Variants in RAB20 observed in about 807,000 individuals in gnomAD.
The protein encoded by RAB20 is RAB20, member RAS oncogene family.
Under a neutral mutation model 3.7 loss-of-function variants are expected in RAB20, and 2 were observed. That is an observed-to-expected ratio of 0.54 (90% CI 0.22 to 1.69). The LOEUF (loss-of-function observed/expected upper bound fraction) is 1.69. Among genes scored for constraint, RAB20 ranks in the 40% most tolerant of loss-of-function variants. RAB20 has a pLI of 0.19. For missense variants in RAB20, 276 were observed against 311.9 expected (o/e 0.88, Z 0.87); for synonymous variants, 126 against 130.8 (o/e 0.96, Z 0.25).
rs1884467476 is a variant in RAB20 at position 110,528,285 on chromosome 13, A to AT, written c.173-4089dup. Reference sequence around the variant, plus strand: ...TACAAAATTAGCCAGGCATGGTGGCATGTGCCTATAATCCCAGCTACTTGG... The same window carrying AT: ...TACAAAATTAGCCAGGCATGGTGGCATTGTGCCTATAATCCCAGCTACTTGG... On this transcript the variant is annotated intron_variant, in intron 1 of 1. Coordinates refer to ENST00000267328, the MANE Select transcript of RAB20 (RefSeq NM_017817.3). Among the ~76,000 whole-genome samples the AT allele has an allele frequency of 2.6e-5, 4 of 151,596 alleles. No individual in the cohort carries two copies. In the South Asian group the frequency reaches 8.4e-4, roughly 32 times the overall value.
At chr13:110,525,420 G>C (rs1257167360) in intron 1 of RAB20, among the ~76,000 whole-genome samples, 1 of 152,238 alleles carries the variant, frequency 6.6e-6, no homozygotes, top group Non-Finnish European at 1.5e-5. Context: ...GTACTGTTCT[G>C]TTCCCAACGT....
chr13:110,552,966 C>T (rs566694370), intron 1 of RAB20, among the ~76,000 whole-genome samples: 10 of 152,348 alleles, frequency 6.6e-5, no homozygotes, highest in African/African-American at 2.2e-4. Flanking sequence ...CGCAAGCGGC[C>T]ACTGTGCTCT....
At chr13:110,558,758 G>A (rs996438126) in intron 1 of RAB20, among the ~76,000 whole-genome samples, 3 of 138,412 alleles carry the variant, frequency 2.2e-5, no homozygotes, top group Non-Finnish European at 4.6e-5. Flanking sequence ...GAGTGCAGTG[G>A]CACAATCTTG....
chr13:110,535,305 G>A (rs930513326), intron 1 of RAB20, among the ~76,000 whole-genome samples: 1 of 152,238 alleles, frequency 6.6e-6, no homozygotes, highest in African/African-American at 2.4e-5. Flanking sequence ...ACTCTGCTCA[G>A]AGCCGGAGAC....
intron 1 of RAB20, among the ~76,000 whole-genome samples, chr13:110,536,611 A>G (rs891432122): frequency 1.3e-5 from 2 of 151,662 alleles, no homozygotes; most frequent in South Asian, 4.2e-4. Flanking sequence ...GAGTTCAGAG[A>G]GGAGGAGGCA....
chr13:110,523,850 C>T lies in RAB20; in HGVS notation c.520G>A (p.Ala174Thr). 1.2e-6 allele frequency: 2 copies of T among 1,614,216 alleles called. No individual in the cohort carries two copies. The highest frequency in any genetic ancestry group is 1.7e-6 in the Non-Finnish European group (2 of 1,180,046). ...YKMLDEQDVPAAEQMCFETSA... is the reference protein window; with the variant it reads ...YKMLDEQDVPTAEQMCFETSA... ...GTCTCAAAGCACATTTGCTCAGCGG[C>T]CGGCACATCCTGCTCATCCAGCATC... Residue 174 changes from alanine to threonine, a missense_variant, in exon 2 of 2, where the codon GCC (alanine) becomes ACC (threonine). By Grantham distance (58) the Ala-to-Thr change is moderately conservative. Transcript: ENST00000267328.
intron 1 of RAB20, among the ~76,000 whole-genome samples, chr13:110,554,150 C>A (rs900198475): frequency 6.6e-6 from 1 of 152,048 alleles, no homozygotes; most frequent in Non-Finnish European, 1.5e-5. Context: ...AAATAAAATC[C>A]CCCTGGCTCC....
Position 110,523,465 on chromosome 13 carries a change from C to T in RAB20, c.*200G>A. On this transcript the variant is annotated 3_prime_UTR_variant, in exon 2 of 2. Coordinates refer to ENST00000267328, the MANE Select transcript of RAB20 (RefSeq NM_017817.3). Reference sequence around the variant, plus strand: ...AGAGGATTCCTGTTTCCCACCTCCCCACCCCTCTGACAGAGACTGAGGAGA... The same window carrying T: ...AGAGGATTCCTGTTTCCCACCTCCCTACCCCTCTGACAGAGACTGAGGAGA... The T allele has an allele frequency of 9.5e-7, 1 of 1,057,370 alleles. No individual in the cohort carries two copies. Among genetic ancestry groups the T allele is most frequent in the South Asian group, 1.7e-5 (1 of 57,518 alleles). 65.5% of individuals were successfully genotyped at this position (1,057,370 alleles called of 1,614,324 possible).
chr13:110,542,140 T>C (rs777108895), intron 1 of RAB20, among the ~76,000 whole-genome samples: 3 of 152,214 alleles, frequency 2.0e-5, no homozygotes, highest in South Asian at 2.1e-4. Context: ...TGACGAGTTT[T>C]GTTTTGTTTT....
At chr13:110,529,363 A>G (rs936691749) in intron 1 of RAB20, among the ~76,000 whole-genome samples, 7 of 152,172 alleles carry the variant, frequency 4.6e-5, no homozygotes, top group Non-Finnish European at 7.3e-5. Context: ...TATGGGCTTA[A>G]ACTGAGTACT....
intron 1 of RAB20, among the ~76,000 whole-genome samples, chr13:110,542,755 T>C (rs1884786500): frequency 6.6e-6 from 1 of 152,256 alleles, no homozygotes; most frequent in African/African-American, 2.4e-5. Context: ...TCTTGGCTAC[T>C]GTGAACACGG....
At chr13:110,542,353 A>C (rs1344850811) in intron 1 of RAB20, among the ~76,000 whole-genome samples, 1 of 152,192 alleles carries the variant, frequency 6.6e-6, no homozygotes, top group Admixed American at 6.5e-5. Flanking sequence ...CCTCTCAGCC[A>C]ATTTCAAGCC....
intron 1 of RAB20, among the ~76,000 whole-genome samples, chr13:110,545,992 C>T (rs941362534): frequency 6.6e-6 from 1 of 152,104 alleles, no homozygotes; most frequent in African/African-American, 2.4e-5. Context: ...ACCAAGCATA[C>T]AGCAAAGCAG....
rs375948174 is a variant in RAB20, at chr13:110,561,413, G to A, written c.107C>T (p.Thr36Met). ...CTTCAGGTAGAAGGCGCCGCCCACC[G>A]TGCTGACCGTGTCCGGGAAGCGCCG... ...MERRFPDTVS[T>M]VGGAFYLKQW... is the part of the protein sequence containing the mutation. Residue 36 changes from threonine (T) to methionine (M), a missense_variant, in exon 1 of 2, where the codon ACG (threonine) becomes ATG (methionine). Thr to Met is a moderately conservative substitution (Grantham distance 81, BLOSUM62 -1). Transcript: ENST00000267328. The A allele has an allele frequency of 1.2e-6, 2 of 1,609,684 alleles. No homozygotes were observed. Among genetic ancestry groups the A allele is most frequent in the African/African-American group, 1.3e-5 (1 of 74,312 alleles).
chr13:110,527,531 G>A (rs1334132278), intron 1 of RAB20, among the ~76,000 whole-genome samples: 1 of 152,182 alleles, frequency 6.6e-6, no homozygotes, highest in East Asian at 1.9e-4. Flanking sequence ...CCTCTTCTGG[G>A]AAAAGCCAGC....
intron 1 of RAB20, among the ~76,000 whole-genome samples, chr13:110,548,717 G>A (rs1884898569): frequency 6.6e-6 from 1 of 151,900 alleles, no homozygotes; most frequent in Admixed American, 6.6e-5. Flanking sequence ...AGGAAGGGTG[G>A]ACTTTGACAA....
At chr13:110,560,465 G>A (rs535434311) in intron 1 of RAB20, among the ~76,000 whole-genome samples, 30 of 152,214 alleles carry the variant, frequency 2.0e-4, no homozygotes, top group Admixed American at 7.9e-4. Context: ...TTGGGTATAT[G>A]ACTTTTTAAG....
intron 1 of RAB20, among the ~76,000 whole-genome samples, chr13:110,558,366 C>A (rs9555719): frequency 6.8e-6 from 1 of 146,880 alleles, no homozygotes; most frequent in African/African-American, 2.5e-5. Context: ...CACTTAACTT[C>A]TGCTGTCTTC....
Position 110,523,307 on chromosome 13 carries a change from G to GAGGTGC in RAB20, c.*352_*357dup, listed in dbSNP as rs1884363136. 6.3e-6 allele frequency: 3 copies of GAGGTGC among 474,344 alleles called. No homozygotes were observed. Among genetic ancestry groups the GAGGTGC allele is most frequent in the Admixed American group, 3.8e-5 (1 of 26,628 alleles). 29.4% of individuals were successfully genotyped at this position (474,344 alleles called of 1,614,324 possible). On this transcript the variant is annotated 3_prime_UTR_variant, in exon 2 of 2. Coordinates refer to ENST00000267328, the MANE Select transcript of RAB20 (RefSeq NM_017817.3). Reference sequence around the variant, plus strand: ...ACAACCCAGGGTGCTGAAACGGTCAGAGGTGCAGGTGCAGACGCAGGCTTC... The same window carrying GAGGTGC: ...ACAACCCAGGGTGCTGAAACGGTCAGAGGTGCAGGTGCAGGTGCAGACGCAGGCTTC...
Sources: allele counts gnomAD v4.1 joint callset (sites outside exome capture counted in the v4.1 genomes callset), GRCh38; gene constraint gnomAD v4.1.1; transcripts MANE v1.5; gene names NCBI Gene and HGNC (gene_info 2026-07-23, HGNC 2026-07-21).